The following CBR4 variants were observed in gnomAD, a reference collection of about 807,000 sequenced individuals.
The protein encoded by CBR4 is 3-oxoacyl-[acyl-carrier-protein] reductase.
Under a neutral mutation model 21.0 loss-of-function variants are expected in CBR4, and 22 were observed. The observed-to-expected ratio is 1.05, with a 90% CI of 0.75 to 1.50. The LOEUF (loss-of-function observed/expected upper bound fraction) is 1.50, where lower values mean the gene tolerates loss of function less well. Among genes scored for constraint, CBR4 ranks in the 40% most tolerant of loss-of-function variants. The pLI is 0.00. For missense variants in CBR4, 302 were observed against 286.3 expected (o/e 1.05, Z -0.40); for synonymous variants, 100 against 104.4 (o/e 0.96, Z 0.26).
intron 2 of CBR4, among the ~76,000 whole-genome samples, chr4:168,952,827 G>T (rs554548981): frequency 7.2e-5 from 11 of 152,266 alleles, no homozygotes; most frequent in African/African-American, 2.4e-4. Context: ...TGGCAGGGGG[G>T]TGAAATGGAT....
chr4:168,934,282 C>CAAAAAAAAAAAAAAAAAAAAAAAGAAA (rs60538970), intron 2 of CBR4, among the ~76,000 whole-genome samples: 2 of 18,176 alleles, frequency 1.1e-4, no homozygotes, highest in African/African-American at 1.9e-4. Flanking sequence ...GCAAAAAAAA[C>CAAAAAAAAAAAAAAAAAAAAAAAGAAA]AAAAAAAAAA....
intron 2 of CBR4, among the ~76,000 whole-genome samples, chr4:168,943,747 T>C (rs1171837554): frequency 6.6e-6 from 1 of 151,968 alleles, no homozygotes. Flanking sequence ...CCATCTCTAC[T>C]AAAAATACAA....
rs532412511 is a variant in CBR4, at chr4:168,914,116, A to T, written n.170-19351T>A. The stretch of plus-strand genomic sequence containing the variant: ...AATCATCATATGACCACAAAAGTAA[A>T]CATAACTGGAAGATAGAATAGGAAT... On this transcript the variant is annotated intron_variant and non_coding_transcript_variant, in intron 2 of 3. Coordinates refer to the CBR4 transcript ENST00000509108. The T allele has an allele frequency of 2.6e-4, 205 of 803,722 alleles. No individual in the cohort carries two copies. The Admixed American group carries it at 4.0e-3, about 15-fold the overall frequency. The allele number at this position is 803,722 out of a possible 1,614,324, so 49.8% of individuals were successfully genotyped here.
At chr4:168,959,561 C>CTTTTT (rs750848079) in intron 2 of CBR4, among the ~76,000 whole-genome samples, 2 of 50,872 alleles carry the variant, frequency 3.9e-5, no homozygotes, top group Non-Finnish European at 8.9e-5. Flanking sequence ...TTATCAATTT[C>CTTTTT]TTTTTTTTTT....
intron 2 of CBR4, chr4:168,926,907 A>ATGTT (rs1202659422): frequency 4.6e-6 from 1 of 219,158 alleles, no homozygotes; most frequent in East Asian, 6.8e-5. Flanking sequence ...GTCTTTGCAA[A>ATGTT]TGTTTTTATA....
At chr4:168,984,344 C>T (rs1190987039), downstream of CBR4, among the ~76,000 whole-genome samples, 1 of 152,086 alleles carries the variant, frequency 6.6e-6, no homozygotes, top group East Asian at 1.9e-4. Flanking sequence ...ATACAGCTAA[C>T]CAGAGAGGTA....
intron 2 of CBR4, among the ~76,000 whole-genome samples, chr4:168,966,919 G>A (rs1764056910): frequency 6.6e-6 from 1 of 151,832 alleles, no homozygotes; most frequent in Admixed American, 6.6e-5. Flanking sequence ...TCAGGAGGCT[G>A]AGGCAGGAGA....
chr4:168,986,284 T>C (rs1388369233), downstream of CBR4, among the ~76,000 whole-genome samples: 1 of 152,178 alleles, frequency 6.6e-6, no homozygotes, highest in African/African-American at 2.4e-5. Context: ...GATTTTGGTA[T>C]TCTCAGAGGA....
intron 2 of CBR4, among the ~76,000 whole-genome samples, chr4:168,956,606 A>AG (rs1763694029): frequency 1.3e-5 from 2 of 148,684 alleles, no homozygotes; most frequent in Admixed American, 1.3e-4. Context: ...TCAAAAAAAA[A>AG]AAAAAAAAAA....
At chr4:168,905,422 ACAGGTGTGAGGCACTGCACC>A (rs1426184799) in intron 2 of CBR4, among the ~76,000 whole-genome samples, 2 of 151,920 alleles carry the variant, frequency 1.3e-5, no homozygotes, top group Non-Finnish European at 2.9e-5. Context: ...TGTTAGCATT[ACAGGTGTGAGGCACTGCACC>A]CGGCCTGAGA....
chr4:169,006,928 CAAGAT>C, intron 2 of CBR4, 37 bp from the exon 3 acceptor site: 4 of 1,564,994 alleles, frequency 2.6e-6, no homozygotes, highest in Non-Finnish European at 3.5e-6. Context: ...CATATAATAA[CAAGAT>C]AAAAACCAAA....
chr4:168,898,139 G>A (rs2151257813), intron 2 of CBR4: 1 of 319,844 alleles, frequency 3.1e-6, no homozygotes, highest in Admixed American at 4.4e-5. Context: ...AAGGAAATCA[G>A]CGTTCCATTA....
intron 2 of CBR4, chr4:168,914,223 T>G: frequency 1.7e-6 from 1 of 595,572 alleles, no homozygotes; most frequent in South Asian, 2.0e-5. Context: ...TTCGCTAATG[T>G]GTGCTAAGCC....
chr4:168,948,699 T>A (rs1462945249), intron 2 of CBR4, among the ~76,000 whole-genome samples: 5 of 152,178 alleles, frequency 3.3e-5, no homozygotes. Context: ...ATTTCTGGGT[T>A]CTCTATTCTG....
intron 4 of CBR4, among the ~76,000 whole-genome samples, chr4:168,996,382 G>A (rs1765202382): frequency 6.6e-6 from 1 of 151,960 alleles, no homozygotes; most frequent in Admixed American, 6.6e-5. Flanking sequence ...ACAACGTTCA[G>A]ATAGATCCCA....
intron 2 of CBR4, among the ~76,000 whole-genome samples, chr4:168,905,790 C>CTTT (rs59427697): frequency 5.2e-4 from 59 of 113,124 alleles, no homozygotes; most frequent in Non-Finnish European, 6.2e-4. Context: ...GCTTTTTTTT[C>CTTT]TTTTTTTTTT....
chr4:168,941,873 G>C (rs1321895012), intron 2 of CBR4, among the ~76,000 whole-genome samples: 3 of 152,068 alleles, frequency 2.0e-5, no homozygotes, highest in African/African-American at 2.4e-5. Flanking sequence ...CTTTTGAGAA[G>C]TGTCTGTTCA....
At chr4:168,902,269 CAG>C (rs1756681234) in intron 2 of CBR4, among the ~76,000 whole-genome samples, 1 of 151,998 alleles carries the variant, frequency 6.6e-6, no homozygotes. Context: ...TGTTAGGAAT[CAG>C]GAATACTTTT....
At position 169,006,934 on chromosome 4, in the gene CBR4, A is replaced by G. The variant is rs116573826; in HGVS notation, c.264-43T>C. The stretch of plus-strand genomic sequence containing the variant: ...ATATAATAGCATATAATAACAAGAT[A>G]AAAACCAAAAAGGTCAAGACTAATG... On this transcript the variant is annotated intron_variant, in intron 2 of 4. Coordinates refer to ENST00000306193, the MANE Select transcript of CBR4 (RefSeq NM_032783.5). 5.0e-3 allele frequency: 7,568 copies of G among 1,524,800 alleles called. 51 individuals carry two copies. Among genetic ancestry groups the G allele is most frequent in the African/African-American group, 0.016 (1,185 of 72,760 alleles). 94.5% of individuals were successfully genotyped at this position (1,524,800 alleles called of 1,614,324 possible).
Sources: allele counts gnomAD v4.1 joint callset (sites outside exome capture counted in the v4.1 genomes callset), GRCh38; gene constraint gnomAD v4.1.1; transcripts MANE v1.5; gene names NCBI Gene and HGNC (gene_info 2026-07-23, HGNC 2026-07-21).